Variants in NTM observed in about 807,000 individuals in gnomAD.
NTM encodes IgLON family member 2.
NTM carries 13 observed loss-of-function variants against 42.1 expected under a neutral mutation model. The ratio of observed to expected loss-of-function variants is 0.31; its 90% CI spans 0.20 to 0.49. The LOEUF (loss-of-function observed/expected upper bound fraction) is 0.49. Among genes scored for constraint, NTM ranks in the 20% least tolerant of loss-of-function variants. The pLI, the probability that NTM is intolerant of heterozygous loss-of-function variation, is 0.99. For synonymous variants in NTM, 187 were observed against 179.2 expected, an observed-to-expected ratio of 1.04 and a Z score of -0.35; for missense variants, 373 against 452.8, an observed-to-expected ratio of 0.82 and a Z score of 1.60.
intron 2 of NTM, among the ~76,000 whole-genome samples, chr11:132,056,689 A>C (rs1205908949): frequency 6.6e-6 from 1 of 152,178 alleles, no homozygotes; most frequent in African/African-American, 2.4e-5. Flanking sequence ...TGCTCTTCTC[A>C]ACCCACCTTG....
At chr11:131,470,476 A>C (rs1952331825) in intron 1 of NTM, among the ~76,000 whole-genome samples, 1 of 152,204 alleles carries the variant, frequency 6.6e-6, no homozygotes, top group African/African-American at 2.4e-5. Context: ...AGAGTAATTA[A>C]TCTTGTCTCC....
chr11:131,639,380 T>C (rs1341036926), intron 1 of NTM, among the ~76,000 whole-genome samples: 1 of 152,214 alleles, frequency 6.6e-6, no homozygotes, highest in Admixed American at 6.5e-5. Context: ...AAAATGGCAA[T>C]TTCTCAGATA....
chr11:131,616,776 G>A (rs971410148), intron 1 of NTM, among the ~76,000 whole-genome samples: 3 of 143,176 alleles, frequency 2.1e-5, no homozygotes, highest in Non-Finnish European at 4.6e-5. Context: ...CTGTCTTGAG[G>A]GGGTGTGTGT....
chr11:132,140,699 C>A (rs985536934), intron 2 of NTM, among the ~76,000 whole-genome samples: 1 of 152,132 alleles, frequency 6.6e-6, no homozygotes, highest in Non-Finnish European at 1.5e-5. Context: ...TTGTTAATTT[C>A]TTAGTTTCCC....
At chr11:132,245,654 G>A (rs948398480) in intron 4 of NTM, among the ~76,000 whole-genome samples, 16 of 152,052 alleles carry the variant, frequency 1.1e-4, no homozygotes, top group African/African-American at 3.9e-4. Flanking sequence ...AGCGTCACGG[G>A]GACTCTGTCC....
At chr11:132,127,458 G>C (rs2066032710) in intron 2 of NTM, among the ~76,000 whole-genome samples, 1 of 152,198 alleles carries the variant, frequency 6.6e-6, no homozygotes, top group Non-Finnish European at 1.5e-5. Flanking sequence ...CGGATGGGGA[G>C]GCCTGAGCCC....
intron 2 of NTM, among the ~76,000 whole-genome samples, chr11:132,008,386 C>T (rs966011300): frequency 6.6e-6 from 1 of 152,086 alleles, no homozygotes; most frequent in Non-Finnish European, 1.5e-5. Context: ...ATGTCAAGTG[C>T]CTAATATAGC....
chr11:131,879,165 T>C (rs1446116891), intron 1 of NTM, among the ~76,000 whole-genome samples: 1 of 152,170 alleles, frequency 6.6e-6, no homozygotes, highest in East Asian at 1.9e-4. Context: ...GCAAACTTCA[T>C]GTGTATTCAG....
chr11:131,685,133 C>G (rs1031717513), intron 1 of NTM, among the ~76,000 whole-genome samples: 1 of 152,182 alleles, frequency 6.6e-6, no homozygotes, highest in African/African-American at 2.4e-5. Context: ...TTACAAAGCC[C>G]CTGGGAAGAG....
At chr11:132,250,338 C>A (rs1023646302) in intron 4 of NTM, among the ~76,000 whole-genome samples, 1 of 152,126 alleles carries the variant, frequency 6.6e-6, no homozygotes, top group African/African-American at 2.4e-5. Flanking sequence ...TGCAAGTTCA[C>A]GATGCTGTGT....
intron 1 of NTM, among the ~76,000 whole-genome samples, chr11:131,754,564 G>A (rs1052554626): frequency 5.3e-5 from 8 of 151,622 alleles, no homozygotes; most frequent in Non-Finnish European, 7.4e-5. Flanking sequence ...GACAGAGGTT[G>A]CAGTGAGCCG....
chr11:132,316,681 C>T (rs2095437989), intron 7 of NTM, among the ~76,000 whole-genome samples: 1 of 152,140 alleles, frequency 6.6e-6, no homozygotes, highest in South Asian at 2.1e-4. Flanking sequence ...AGAGATCATT[C>T]CTGAGGAGTC....
At chr11:131,627,170 T>C (rs2063188621) in intron 1 of NTM, among the ~76,000 whole-genome samples, 2 of 152,314 alleles carry the variant, frequency 1.3e-5, no homozygotes, top group African/African-American at 4.8e-5. Flanking sequence ...CAGGTGTTTC[T>C]TCTTGGTTGG....
chr11:131,630,164 C>T (rs946722566), intron 1 of NTM, among the ~76,000 whole-genome samples: 1 of 152,098 alleles, frequency 6.6e-6, no homozygotes, highest in African/African-American at 2.4e-5. Context: ...GAGGTCGGGC[C>T]ATGGTCTATT....
At chr11:131,719,269 A>T (rs529962813) in intron 1 of NTM, among the ~76,000 whole-genome samples, 23 of 152,052 alleles carry the variant, frequency 1.5e-4, no homozygotes, top group Non-Finnish European at 3.1e-4. Context: ...TGGGAAGGTA[A>T]TCAGGTCCCT....
intron 1 of NTM, among the ~76,000 whole-genome samples, chr11:131,874,743 T>C (rs910148372): frequency 1.3e-5 from 2 of 152,228 alleles, no homozygotes; most frequent in East Asian, 3.8e-4. Context: ...ATCATTTTGA[T>C]TTGGTTAATC....
Position 131,647,631 on chromosome 11 carries a change from C to T in NTM, c.83-263933C>T, listed in dbSNP as rs1022889276. Among the ~76,000 whole-genome samples, 23 of 152,066 alleles carry T rather than the reference C, an allele frequency of 1.5e-4. 1 individual carries two copies. Among genetic ancestry groups the T allele is most frequent in the African/African-American group, 2.4e-4 (10 of 41,386 alleles). On this transcript the variant is annotated intron_variant, in intron 1 of 8. Coordinates refer to ENST00000683400, the MANE Select transcript of NTM (RefSeq NM_001352005.2). ...CTATAAATCATGTCCATTTAATAAA[C>T]GAGAGAATTAAGCCTTAGCAGAGTT...
At chr11:131,511,910 C>G (rs1254630201) in intron 1 of NTM, among the ~76,000 whole-genome samples, 1 of 152,174 alleles carries the variant, frequency 6.6e-6, no homozygotes, top group Non-Finnish European at 1.5e-5. Context: ...AAGAGCCTGT[C>G]CACACCTGGG....
At chr11:131,768,201 C>G (rs940050747) in intron 1 of NTM, among the ~76,000 whole-genome samples, 1 of 150,810 alleles carries the variant, frequency 6.6e-6, no homozygotes, top group African/African-American at 2.5e-5. Flanking sequence ...CGACTACAAC[C>G]TCCGCCTCCT....
Sources: allele counts gnomAD v4.1 joint callset (sites outside exome capture counted in the v4.1 genomes callset), GRCh38; gene constraint gnomAD v4.1.1; transcripts MANE v1.5; gene names NCBI Gene and HGNC (gene_info 2026-07-23, HGNC 2026-07-21).